PPM1L: variants seen among roughly 807,000 people sequenced by gnomAD.
The protein encoded by PPM1L is protein phosphatase 1L.
Under a neutral mutation model 31.4 loss-of-function variants are expected in PPM1L, and 13 were observed. That is an observed-to-expected ratio of 0.41 (90% confidence interval 0.27 to 0.66). The LOEUF is 0.66. Among genes scored for constraint, PPM1L ranks in the 30% least tolerant of loss-of-function variants. The probability of loss-of-function intolerance (pLI) is 0.29; values close to 1 mark genes in which losing one functional copy is unlikely to be tolerated. For synonymous variants in PPM1L, 184 were observed against 175.4 expected (o/e 1.05, Z -0.39); for missense variants, 326 against 453.7 (o/e 0.72, Z 2.56).
intron 2 of PPM1L, among the ~76,000 whole-genome samples, chr3:161,014,628 C>A (rs544768702): frequency 2.3e-3 from 353 of 152,272 alleles, no homozygotes; most frequent in African/African-American, 8.4e-3. Context: ...GCACACGCCA[C>A]CACGCCCAGC....
chr3:160,991,036 G>A (rs948077538), intron 2 of PPM1L, among the ~76,000 whole-genome samples: 1 of 151,158 alleles, frequency 6.6e-6, no homozygotes, highest in African/African-American at 2.4e-5. Context: ...AATTGTCTTG[G>A]GCCACATATA....
chr3:160,991,407 T>C (rs1252775694), intron 2 of PPM1L, among the ~76,000 whole-genome samples: 1 of 152,222 alleles, frequency 6.6e-6, no homozygotes, highest in Non-Finnish European at 1.5e-5. Flanking sequence ...ATTAAATTTA[T>C]GGCTTTCATC....
At chr3:160,987,681 C>T (rs1386386722) in intron 2 of PPM1L, among the ~76,000 whole-genome samples, 1 of 152,210 alleles carries the variant, frequency 6.6e-6, no homozygotes, top group Non-Finnish European at 1.5e-5. Context: ...AAGTTTGAAG[C>T]TTCATTAGCT....
rs145681332 is a variant in PPM1L at position 160,782,754 on chromosome 3, T to C, written c.399+26047T>C. ...AAAATTTTAAAAAATACATAGAGCTTAGAAATGTTGTAAAGTAAAAAAAGA... is the reference window on the plus strand; with the variant it reads ...AAAATTTTAAAAAATACATAGAGCTCAGAAATGTTGTAAAGTAAAAAAAGA... On this transcript the variant is annotated intron_variant, in intron 1 of 3. Coordinates refer to ENST00000498165, the MANE Select transcript of PPM1L (RefSeq NM_139245.4). Among the ~76,000 whole-genome samples, 569 of 152,300 alleles carry C rather than the reference T, an allele frequency of 3.7e-3. 8 individuals carry two copies. The highest frequency in any genetic ancestry group is 0.033 in the East Asian group (172 of 5,186).
chr3:160,993,074 G>A (rs1040152736), intron 2 of PPM1L, among the ~76,000 whole-genome samples: 1 of 150,060 alleles, frequency 6.7e-6, no homozygotes, highest in Non-Finnish European at 1.5e-5. Flanking sequence ...GTTACAACAA[G>A]GTTTTTTTTT....
At chr3:160,814,439 A>G (rs988905330) in intron 1 of PPM1L, among the ~76,000 whole-genome samples, 3 of 151,992 alleles carry the variant, frequency 2.0e-5, no homozygotes, top group Admixed American at 2.0e-4. Flanking sequence ...CCAAATGCCT[A>G]TCTATCAACG....
At chr3:160,802,744 T>C (rs1212913549) in intron 1 of PPM1L, among the ~76,000 whole-genome samples, 1 of 152,242 alleles carries the variant, frequency 6.6e-6, no homozygotes, top group African/African-American at 2.4e-5. Flanking sequence ...CATGAAGACC[T>C]GAGTTTAAAT....
chr3:160,768,996 CG>C, intron 1 of PPM1L, among the ~76,000 whole-genome samples: 1 of 152,242 alleles, frequency 6.6e-6, no homozygotes, highest in East Asian at 1.9e-4. Flanking sequence ...ATATCTGTCC[CG>C]TTCTTTTTTA....
chr3:160,977,397 G>T (rs886546797), intron 2 of PPM1L, among the ~76,000 whole-genome samples: 2 of 152,204 alleles, frequency 1.3e-5, no homozygotes, highest in Non-Finnish European at 2.9e-5. Context: ...CTGGCTACGT[G>T]CCGAGAGTCT....
chr3:160,867,504 A>G (rs1712134398), intron 1 of PPM1L, among the ~76,000 whole-genome samples: 1 of 149,990 alleles, frequency 6.7e-6, no homozygotes, highest in South Asian at 2.1e-4. Context: ...TTTACTTGAC[A>G]CTTTCTTCAC....
Position 160,776,902 on chromosome 3 carries a change from G to C in PPM1L, c.399+20195G>C, listed in dbSNP as rs537885886. On this transcript the variant is annotated intron_variant, in intron 1 of 3. Transcript: ENST00000498165. Reference sequence around the variant, plus strand: ...GCGTGAGCCACCATGCCCGGCCCTTGGTGGCTTTTATAGAATGGGTGCCCT... The same window carrying C: ...GCGTGAGCCACCATGCCCGGCCCTTCGTGGCTTTTATAGAATGGGTGCCCT... Among the ~76,000 whole-genome samples the C allele has an allele frequency of 4.6e-5, 7 of 151,772 alleles. No individual in the cohort carries two copies. In the East Asian group the frequency reaches 1.4e-3, roughly 30 times the overall value.
chr3:161,041,174 A>C (rs191528399), intron 2 of PPM1L, among the ~76,000 whole-genome samples: 3 of 152,328 alleles, frequency 2.0e-5, no homozygotes, highest in African/African-American at 7.2e-5. Context: ...AAACTCAACC[A>C]ATGACAAACT....
chr3:160,887,587 T>TTC (rs1712960348), intron 1 of PPM1L, among the ~76,000 whole-genome samples: 4 of 147,226 alleles, frequency 2.7e-5, no homozygotes, highest in Admixed American at 6.7e-5. Context: ...TTTTTTTTTC[T>TTC]TTTTTTTTTT....
intron 1 of PPM1L, among the ~76,000 whole-genome samples, chr3:160,951,924 T>C (rs1412074902): frequency 6.6e-6 from 1 of 152,224 alleles, no homozygotes; most frequent in Non-Finnish European, 1.5e-5. Flanking sequence ...CAATCTTAAA[T>C]CTCTGTAATA....
intron 1 of PPM1L, among the ~76,000 whole-genome samples, chr3:160,927,574 T>C (rs575206137): frequency 6.6e-6 from 1 of 152,284 alleles, no homozygotes; most frequent in South Asian, 2.1e-4. Flanking sequence ...CCATGAAAAA[T>C]TTCTCGATTT....
At position 161,069,113 on chromosome 3, in the gene PPM1L, A is replaced by G. The variant is rs529231667; in HGVS notation, c.1039A>G (p.Met347Val). The G allele has an allele frequency of 6.2e-7, 1 of 1,614,048 alleles. No individual in the cohort carries two copies. Among genetic ancestry groups the G allele is most frequent in the Non-Finnish European group, 8.5e-7 (1 of 1,180,026 alleles). Residue 347 changes from methionine to valine, a missense_variant, in exon 4 of 4, where the codon ATG (methionine) becomes GTG (valine). Met to Val is a conservative substitution (Grantham distance 21). Around this residue, in one of 3 missense-constraint regions of PPM1L, gnomAD observed 201 missense variants for 298.2 expected, o/e 0.67. Transcript: ENST00000498165. Reference protein sequence around the residue: ...YRGCPDNITVMVVKFRNSSKT... With the variant: ...YRGCPDNITVVVVKFRNSSKT... ...AGGCTGCCCTGACAATATAACAGTC[A>G]TGGTGGTGAAGTTCAGAAATAGCAG...
chr3:160,993,943 C>CT (rs530586937), intron 2 of PPM1L, among the ~76,000 whole-genome samples: 19 of 150,572 alleles, frequency 1.3e-4, no homozygotes, highest in Non-Finnish European at 1.9e-4. Flanking sequence ...CATTTTTCCT[C>CT]TTTTTTTTTC....
intron 1 of PPM1L, among the ~76,000 whole-genome samples, chr3:160,865,147 G>A (rs1479636320): frequency 6.6e-6 from 1 of 152,184 alleles, no homozygotes; most frequent in Non-Finnish European, 1.5e-5. Context: ...TTCTGGGAAA[G>A]TCAATAATTG....
At chr3:160,973,812 T>TA (rs1484791094) in intron 2 of PPM1L, among the ~76,000 whole-genome samples, 3 of 144,132 alleles carry the variant, frequency 2.1e-5, no homozygotes, top group African/African-American at 7.5e-5. Flanking sequence ...CTTGTCTTTA[T>TA]TTTTTTATTT....
Sources: gnomAD v4.1 joint callset for allele counts (sites outside exome capture counted in the v4.1 genomes callset) on GRCh38, gnomAD v4.1.1 for gene constraint, gnomAD v4.1.1 regional missense constraint, MANE v1.5 for transcripts, NCBI Gene and HGNC (gene_info 2026-07-23, HGNC 2026-07-21) for gene names.